The following GABRA6 variants were observed in gnomAD, a reference collection of about 807,000 sequenced individuals.
GABRA6 encodes the protein gamma-aminobutyric acid receptor subunit alpha-6.
A neutral mutation model predicts 47.3 loss-of-function variants in GABRA6; 45 were observed. The ratio of observed to expected loss-of-function variants is 0.95; its 90% CI spans 0.75 to 1.22. The LOEUF (loss-of-function observed/expected upper bound fraction) is 1.22. Ranked by LOEUF, GABRA6 falls within the 50% of genes most tolerant of loss-of-function variation. GABRA6 has a pLI of 0.00. For missense variants in GABRA6, 583 were observed against 549.3 expected, an observed-to-expected ratio of 1.06 and a Z score of -0.61; for synonymous variants, 219 against 194.7, an observed-to-expected ratio of 1.12 and a Z score of -1.04.
chr5:161,700,203 G>A (rs1370983054), intron 8 of GABRA6, among the ~76,000 whole-genome samples: 1 of 152,216 alleles, frequency 6.6e-6, no homozygotes, highest in African/African-American at 2.4e-5. Context: ...CAGCACAGGG[G>A]AGGAAGCTGT....
At position 161,685,903 on chromosome 5, in the gene GABRA6, AT is replaced by A. The variant is rs1754682011; in HGVS notation, c.-84del. ...AACAGAGATATGAAGGGTTTGAAAG[AT>A]TTCTCCAGTTGATTGGCAGAGAAGA... On this transcript the variant is annotated 5_prime_UTR_variant, in exon 1 of 9. It removes the in-frame stop codon of an upstream open reading frame in the 5' UTR. Coordinates refer to ENST00000274545, the MANE Select transcript of GABRA6 (RefSeq NM_000811.3). The A allele has an allele frequency of 9.4e-7, 1 of 1,062,052 alleles. No individual in the cohort carries two copies. The highest frequency in any genetic ancestry group is 1.2e-5 in the South Asian group (1 of 80,206). 65.8% of individuals were successfully genotyped at this position (1,062,052 alleles called of 1,614,324 possible). A position where few individuals can be genotyped will look rare whatever the true frequency, so the allele number is the denominator to read the frequency against.
At chr5:161,697,881 C>T (rs981404067) in intron 8 of GABRA6, among the ~76,000 whole-genome samples, 2 of 152,106 alleles carry the variant, frequency 1.3e-5, no homozygotes, top group Non-Finnish European at 2.9e-5. Context: ...TACGTTTGCT[C>T]ATCTATCAAA....
Position 161,689,066 on chromosome 5 carries a change from G to A in GABRA6, c.343G>A (p.Asp115Asn), listed in dbSNP as rs954355576. The A allele has an allele frequency of 1.9e-6, 3 of 1,614,016 alleles. No homozygotes were observed. Among genetic ancestry groups the A allele is most frequent in the African/African-American group, 2.7e-5 (2 of 75,014 alleles). ...GATGGTCAGTAAAATCTGGACGCCT[G>A]ACACCTTTTTCAGAAATGGTAAAAA... ...NLMVSKIWTP[D>N]TFFRNGKKSI... The change falls in exon 4 of 9, where the codon GAC becomes AAC. Residue 115 changes from aspartate to asparagine, a missense_variant. Physicochemically the swap from Asp to Asn is conservative, Grantham distance 23 (BLOSUM62 1). Coordinates refer to ENST00000274545, the MANE Select transcript of GABRA6 (RefSeq NM_000811.3).
rs760815978 is a variant in GABRA6 at position 161,689,740 on chromosome 5, G to A, written c.634G>A (p.Gly212Arg). ...SSSLLQYDLIGQTVSSETIKS... is the reference protein window; with the variant it reads ...SSSLLQYDLIRQTVSSETIKS... ...AAGCCTTCTCCAGTATGATCTGATT[G>A]GACAAACAGTATCTAGTGAGACAAT... is the stretch of plus-strand genomic sequence containing the variant. The change falls in exon 6 of 9, where the codon GGA becomes AGA. Residue 212 changes from glycine (G) to arginine (R), a missense_variant. Gly to Arg is a moderately radical substitution (Grantham distance 125, BLOSUM62 -2). Coordinates refer to ENST00000274545, the MANE Select transcript of GABRA6 (RefSeq NM_000811.3). 15 of 1,613,230 alleles carry A rather than the reference G, an allele frequency of 9.3e-6. No homozygotes were observed. The South Asian group carries it at 1.5e-4, about 17-fold the overall frequency.
At chr5:161,687,338 C>A in intron 3 of GABRA6, 1 of 387,956 alleles carries the variant, frequency 2.6e-6, no homozygotes, top group Non-Finnish European at 4.9e-6. Context: ...AAAAAACACA[C>A]AGATCTTATT....
At position 161,689,825 on chromosome 5, in the gene GABRA6, C is replaced by T. The variant is rs1754762536; in HGVS notation, c.673+46C>T. ...TGGAAATAATCCCTCAGGATGACTC[C>T]AGTGCACATTTTCAAAATATCTATT... On this transcript the variant is annotated intron_variant, in intron 6 of 8. Transcript: ENST00000274545. 4.5e-6 allele frequency: 7 copies of T among 1,547,872 alleles called. No homozygotes were observed. In the African/African-American group the frequency reaches 6.8e-5, roughly 15 times the overall value.
intron 7 of GABRA6, among the ~76,000 whole-genome samples, chr5:161,691,414 GC>G (rs1336384338): frequency 1.4e-5 from 2 of 147,436 alleles, no homozygotes; most frequent in East Asian, 4.1e-4. Context: ...TCCTGCCTCA[GC>G]CTCCGGAGTA....
Position 161,689,337 on chromosome 5 carries a change from GTAAGTTACAACAGGCTTCTGAGAGTCAAA to G in GABRA6, c.529+5_529+33del. 1 of 1,613,290 alleles carries G rather than the reference GTAAGTTACAACAGGCTTCTGAGAGTCAAA, an allele frequency of 6.2e-7. No homozygotes were observed. On this transcript the variant is annotated splice_donor_variant and splice_donor_5th_base_variant and intron_variant, in intron 5 of 8. Coordinates refer to ENST00000274545, the MANE Select transcript of GABRA6 (RefSeq NM_000811.3). LOFTEE classifies it high-confidence loss of function. ...GCTTGTCCACTCAAGTTTGGGAGCT[GTAAGTTACAACAGGCTTCTGAGAGTCAAA>G]TAATACATCCAAAATATATAATTAC...
Position 161,701,828 on chromosome 5 carries a change from T to A in GABRA6, c.*55T>A. ...AGTTCTTGTTTTCTGTTTCCTATGTTTTCTTAAAAAATAGCATTGAGACTT... is the reference window on the plus strand; with the variant it reads ...AGTTCTTGTTTTCTGTTTCCTATGTATTCTTAAAAAATAGCATTGAGACTT... On this transcript the variant is annotated 3_prime_UTR_variant, in exon 9 of 9. Coordinates refer to ENST00000274545, the MANE Select transcript of GABRA6 (RefSeq NM_000811.3). 6.3e-7 allele frequency: 1 copy of A among 1,588,182 alleles called. No homozygotes were observed. Among genetic ancestry groups the A allele is most frequent in the African/African-American group, 1.3e-5 (1 of 74,526 alleles).
rs1359881652 is a variant in GABRA6 at position 161,688,870 on chromosome 5, T to TTG, written c.226-78_226-77dup. 48 of 1,203,932 alleles carry TTG rather than the reference T, an allele frequency of 4.0e-5. 2 individuals carry two copies. In the African/African-American group the frequency reaches 4.0e-4, roughly 10 times the overall value. The allele number at this position is 1,203,932 out of a possible 1,614,324, so 74.6% of individuals were successfully genotyped here. On this transcript the variant is annotated intron_variant, in intron 3 of 8. Transcript: ENST00000274545. The stretch of plus-strand genomic sequence containing the variant: ...TTGCTTTATTGCTTAAGTTTTGAGA[T>TTG]TGGGTGTATAGGCTAGTGAATAAAC...
In GABRA6 at chr5:161,689,575, G is replaced by A. The variant is rs771605275; in HGVS notation, c.530-61G>A. ...CTTTTTTATAGACAATGTGCACTTT[G>A]AAGGAAAAAAAGACAACTCGTCAAA... On this transcript the variant is annotated intron_variant, in intron 5 of 8. Transcript: ENST00000274545. 4.9e-6 allele frequency: 7 copies of A among 1,439,048 alleles called. No homozygotes were observed. The East Asian group carries it at 1.4e-4, about 29-fold the overall frequency. The allele number at this position is 1,439,048 out of a possible 1,614,324, so 89.1% of individuals were successfully genotyped here.
chr5:161,686,416 C>T (rs754289583), intron 2 of GABRA6, 68 bp downstream of exon 2: 610 of 1,225,050 alleles, frequency 5.0e-4, no homozygotes, highest in Non-Finnish European at 6.6e-4. Flanking sequence ...CCTTTGAAGA[C>T]CCAGAAGAGT....
intron 2 of GABRA6, 50 bp downstream of exon 2, chr5:161,686,398 G>A (rs771866728): frequency 1.3e-5 from 19 of 1,414,140 alleles, no homozygotes; most frequent in South Asian, 2.3e-5. Flanking sequence ...TCCTTCCTCC[G>A]TTTCTGCCCT....
At chr5:161,698,752 C>A (rs551297770) in intron 8 of GABRA6, among the ~76,000 whole-genome samples, 1 of 152,178 alleles carries the variant, frequency 6.6e-6, no homozygotes, top group Non-Finnish European at 1.5e-5. Flanking sequence ...AAACTGTAAT[C>A]TAGGGATTTC....
At chr5:161,699,029 T>G (rs1421061867) in intron 8 of GABRA6, among the ~76,000 whole-genome samples, 1 of 152,166 alleles carries the variant, frequency 6.6e-6, no homozygotes, top group Non-Finnish European at 1.5e-5. Context: ...ATGCACAGAT[T>G]CACAAATGAC....
At chr5:161,696,523 T>C (rs542104241) in intron 8 of GABRA6, among the ~76,000 whole-genome samples, 1 of 152,094 alleles carries the variant, frequency 6.6e-6, no homozygotes, top group Non-Finnish European at 1.5e-5. Flanking sequence ...GTATGATTTA[T>C]GGGGAAGGCA....
chr5:161,693,592 C>A (rs190075355), intron 8 of GABRA6, among the ~76,000 whole-genome samples: 1 of 152,040 alleles, frequency 6.6e-6, no homozygotes, highest in South Asian at 2.1e-4. Context: ...GGGAGGATCA[C>A]TTGAAGCCAG....
Position 161,701,535 on chromosome 5 carries a change from C to A in GABRA6, c.1124C>A (p.Thr375Asn). ...DSKYHLKKRI[T>N]SLSLPIVSSS... is the part of the protein sequence containing the mutation. ...AAATATCATCTGAAGAAAAGGATCA[C>A]TTCTCTGTCTTTGCCAATAGTTTCA... The change falls in exon 9 of 9, where the codon ACT becomes AAT. Residue 375 changes from threonine to asparagine, a missense_variant. By Grantham distance (65) the Thr-to-Asn change is moderately conservative. Coordinates refer to ENST00000274545, the MANE Select transcript of GABRA6 (RefSeq NM_000811.3). 1 of 1,614,204 alleles carries A rather than the reference C, an allele frequency of 6.2e-7. No individual in the cohort carries two copies. Among genetic ancestry groups the A allele is most frequent in the Admixed American group, 1.7e-5 (1 of 60,022 alleles).
chr5:161,702,504 T>C lies in GABRA6; in HGVS notation c.*731T>C, dbSNP rs1755000815. On this transcript the variant is annotated 3_prime_UTR_variant, in exon 9 of 9. Coordinates refer to ENST00000274545, the MANE Select transcript of GABRA6 (RefSeq NM_000811.3). ...AGGTTGTAGAAAAAAGTACTCATTATAAGGAAGCCTTGTATATTATGACTA... is the reference window on the plus strand; with the variant it reads ...AGGTTGTAGAAAAAAGTACTCATTACAAGGAAGCCTTGTATATTATGACTA... 6.6e-6 allele frequency: 1 copy of C among 152,232 alleles called. No individual in the cohort carries two copies. Among genetic ancestry groups the C allele is most frequent in the South Asian group, 2.1e-4 (1 of 4,832 alleles). 9.4% of individuals were successfully genotyped at this position (152,232 alleles called of 1,614,324 possible). A position where few individuals can be genotyped will look rare whatever the true frequency, so the allele number is the denominator to read the frequency against.
Sources: gnomAD v4.1 joint callset for allele counts (sites outside exome capture counted in the v4.1 genomes callset) on GRCh38, gnomAD v4.1.1 for gene constraint, MANE v1.5 for transcripts, NCBI Gene and HGNC (gene_info 2026-07-23, HGNC 2026-07-21) for gene names.